GNG5: variants seen among roughly 807,000 people sequenced by gnomAD.
GNG5 encodes the protein guanine nucleotide-binding protein G(I)/G(S)/G(O) subunit gamma-5.
Under a neutral mutation model 6.2 loss-of-function variants are expected in GNG5, and 2 were observed. The ratio of observed to expected loss-of-function variants is 0.32; its 90% CI spans 0.13 to 1.01. The LOEUF (loss-of-function observed/expected upper bound fraction) is 1.01, where lower values mean the gene tolerates loss of function less well. Ranked by LOEUF, GNG5 falls within the 50% of genes least tolerant of loss-of-function variation. GNG5 has a pLI of 0.48. For synonymous variants in GNG5, 24 were observed against 33.0 expected (o/e 0.73, Z 0.93); for missense variants, 57 against 80.2 (o/e 0.71, Z 1.10).
rs1682217869 is a variant in GNG5 at position 84,506,165 on chromosome 1, A to G, written c.-74T>C. 2.4e-6 allele frequency: 3 copies of G among 1,257,592 alleles called. No homozygotes were observed. Among genetic ancestry groups the G allele is most frequent in the Admixed American group, 2.6e-5 (1 of 38,788 alleles). The allele number at this position is 1,257,592 out of a possible 1,614,324, so 77.9% of individuals were successfully genotyped here. ...GTGGGTCGGCGGGGCCAGACAACTCAGCGGCGCGCGGCGGGGGCGGGGCTC... is the reference window on the plus strand; with the variant it reads ...GTGGGTCGGCGGGGCCAGACAACTCGGCGGCGCGCGGCGGGGGCGGGGCTC... On this transcript the variant is annotated 5_prime_UTR_variant, in exon 2 of 4. Coordinates refer to ENST00000370645, the MANE Select transcript of GNG5 (RefSeq NM_005274.3).
intron 2 of GNG5, among the ~76,000 whole-genome samples, chr1:84,502,435 T>C (rs1570360935): frequency 6.6e-6 from 1 of 152,286 alleles, no homozygotes; most frequent in East Asian, 1.9e-4. Context: ...CCCAGCCTAG[T>C]GAGCTCTTAA....
Position 84,506,232 on chromosome 1 carries a change from C to A in GNG5, c.-141G>T, listed in dbSNP as rs902581096. On this transcript the variant is annotated 5_prime_UTR_variant, in exon 2 of 4. Transcript: ENST00000370645. Reference sequence around the variant, plus strand: ...GTTTCCGGTTCTGTGCTCAGCGGCTCCACCCTCGGTGCGCATGCGCGCCTT... The same window carrying A: ...GTTTCCGGTTCTGTGCTCAGCGGCTACACCCTCGGTGCGCATGCGCGCCTT... 3.4e-6 allele frequency: 2 copies of A among 583,592 alleles called. No individual in the cohort carries two copies. Among genetic ancestry groups the A allele is most frequent in the African/African-American group, 2.0e-5 (1 of 50,916 alleles). The allele number at this position is 583,592 out of a possible 1,614,324, so 36.2% of individuals were successfully genotyped here. A position where few individuals can be genotyped will look rare whatever the true frequency, so the allele number is the denominator to read the frequency against.
chr1:84,501,982 A>G lies in GNG5; in HGVS notation c.82-12T>C. ...GCTGCCTGGGAAACCTATACATAAC[A>G]AAGAGGGGGGGAAGTGCCAGATGGT... On this transcript the variant is annotated splice_polypyrimidine_tract_variant and intron_variant, in intron 2 of 3. Transcript: ENST00000370645. The G allele has an allele frequency of 6.2e-7, 1 of 1,606,108 alleles. No homozygotes were observed. The highest frequency in any genetic ancestry group is 8.5e-7 in the Non-Finnish European group (1 of 1,173,636).
intron 3 of GNG5, among the ~76,000 whole-genome samples, chr1:84,501,442 T>C (rs568852195): frequency 3.9e-5 from 6 of 152,202 alleles, no homozygotes; most frequent in East Asian, 1.9e-4. Flanking sequence ...CCCATAAACA[T>C]TGCAGATTTT....
chr1:84,505,922 C>G, intron 2 of GNG5, 89 bp downstream of exon 2: 2 of 910,848 alleles, frequency 2.2e-6, no homozygotes, highest in Non-Finnish European at 3.0e-6. Flanking sequence ...AGGGCCGGCG[C>G]GTGTCCCGCC....
At chr1:84,505,346 C>A (rs1430934865) in intron 2 of GNG5, among the ~76,000 whole-genome samples, 5 of 152,188 alleles carry the variant, frequency 3.3e-5, no homozygotes, top group Non-Finnish European at 7.3e-5. Context: ...TCGATATCCC[C>A]AAGGTCAAAT....
intron 2 of GNG5, 97 bp downstream of exon 2, chr1:84,505,914 G>T: frequency 1.2e-6 from 1 of 855,006 alleles, no homozygotes; most frequent in Non-Finnish European, 1.6e-6. Flanking sequence ...GGGAAGCGAG[G>T]GCCGGCGCGT....
chr1:84,502,344 G>A (rs1405912837), intron 2 of GNG5, among the ~76,000 whole-genome samples: 1 of 151,776 alleles, frequency 6.6e-6, no homozygotes, highest in Non-Finnish European at 1.5e-5. Context: ...GTGTTGGCCA[G>A]GATGGTCTCT....
At chr1:84,505,922 C>T (rs1488766290) in intron 2 of GNG5, 89 bp downstream of exon 2, 1 of 910,846 alleles carries the variant, frequency 1.1e-6, no homozygotes, top group Non-Finnish European at 1.5e-6. Flanking sequence ...AGGGCCGGCG[C>T]GTGTCCCGCC....
At chr1:84,504,238 G>A (rs572825579) in intron 2 of GNG5, among the ~76,000 whole-genome samples, 175 of 152,282 alleles carry the variant, frequency 1.1e-3, no homozygotes, top group Admixed American at 2.2e-3. Flanking sequence ...GATACACAAC[G>A]TTAAACCACA....
intron 3 of GNG5, among the ~76,000 whole-genome samples, chr1:84,499,625 T>A (rs1457261057): frequency 2.0e-5 from 3 of 152,156 alleles, no homozygotes; most frequent in Admixed American, 1.3e-4. Flanking sequence ...TTTAATGAAA[T>A]AAATTCATTT....
intron 2 of GNG5, among the ~76,000 whole-genome samples, chr1:84,504,055 G>A (rs1570362136): frequency 6.6e-6 from 1 of 152,150 alleles, no homozygotes; most frequent in South Asian, 2.1e-4. Flanking sequence ...CTGTAATCCT[G>A]GCCTATTAGT....
chr1:84,502,974 CTG>C (rs1359382296), intron 2 of GNG5, among the ~76,000 whole-genome samples: 3 of 152,208 alleles, frequency 2.0e-5, no homozygotes, highest in Non-Finnish European at 4.4e-5. Flanking sequence ...TTGGGTGGCT[CTG>C]TATATGTATA....
At chr1:84,505,812 C>G (rs549627581) in intron 2 of GNG5, among the ~76,000 whole-genome samples, 199 bp downstream of exon 2, 16 of 152,198 alleles carry the variant, frequency 1.1e-4, no homozygotes, top group Non-Finnish European at 2.1e-4. Context: ...GCGAACTAAT[C>G]GTCCCCCTAA....
chr1:84,506,377 T>A (rs889969845), intron 1 of GNG5, 59 bp downstream of exon 1: 57 of 294,048 alleles, frequency 1.9e-4, no homozygotes, highest in Non-Finnish European at 2.6e-5. Context: ...GACCCGACTC[T>A]TAAGTTTTCT....
intron 2 of GNG5, among the ~76,000 whole-genome samples, chr1:84,505,072 A>G (rs1339293828): frequency 6.6e-6 from 1 of 152,232 alleles, no homozygotes; most frequent in Non-Finnish European, 1.5e-5. Flanking sequence ...AACAGGGCAC[A>G]TGATTTACAT....
rs1166398852 is a variant in GNG5 at position 84,499,311 on chromosome 1, C to A, written c.*20-763G>T. On this transcript the variant is annotated intron_variant, in intron 3 of 3. Transcript: ENST00000370645. Reference sequence around the variant, plus strand: ...CAGAATGCTGTGAAAAATGTTTAATCTCACCTAAAATAGTGACAGAAAAGA... The same window carrying A: ...CAGAATGCTGTGAAAAATGTTTAATATCACCTAAAATAGTGACAGAAAAGA... 2.0e-5 allele frequency among the ~76,000 whole-genome samples: 3 copies of A among 152,232 alleles called. No individual in the cohort carries two copies. The East Asian group carries it at 5.8e-4, about 29-fold the overall frequency.
chr1:84,506,149 CG>C lies in GNG5; in HGVS notation c.-59del. 6.9e-7 allele frequency: 1 copy of C among 1,446,574 alleles called. No individual in the cohort carries two copies. Among genetic ancestry groups the C allele is most frequent in the Admixed American group, 2.1e-5 (1 of 47,644 alleles). 89.6% of individuals were successfully genotyped at this position (1,446,574 alleles called of 1,614,324 possible). A position where few individuals can be genotyped will look rare whatever the true frequency, so the allele number is the denominator to read the frequency against. ...CGGTGGGTCGTGGGCCGTGGGTCGG[CG>C]GGGCCAGACAACTCAGCGGCGCGCG... On this transcript the variant is annotated 5_prime_UTR_variant, in exon 2 of 4. Transcript: ENST00000370645.
chr1:84,499,953 G>A (rs1206457579), intron 3 of GNG5, among the ~76,000 whole-genome samples: 1 of 152,152 alleles, frequency 6.6e-6, no homozygotes, highest in African/African-American at 2.4e-5. Flanking sequence ...AAAGTAGCCG[G>A]GCGTGGTGGT....
Sources: gnomAD v4.1 joint callset for allele counts (sites outside exome capture counted in the v4.1 genomes callset) on GRCh38, gnomAD v4.1.1 for gene constraint, MANE v1.5 for transcripts, NCBI Gene and HGNC (gene_info 2026-07-23, HGNC 2026-07-21) for gene names.